Variants in NDUFS4 observed in about 807,000 individuals in gnomAD.
NDUFS4 encodes the protein NADH dehydrogenase [ubiquinone] iron-sulfur protein 4, mitochondrial.
Under a neutral mutation model 24.3 loss-of-function variants are expected in NDUFS4, and 28 were observed. The ratio of observed to expected loss-of-function variants is 1.15; its 90% CI spans 0.85 to 1.58. The LOEUF (loss-of-function observed/expected upper bound fraction) is 1.58. NDUFS4 is among the 40% of genes most tolerant of loss of function. NDUFS4 has a pLI of 0.00. For synonymous variants in NDUFS4, 93 were observed against 69.7 expected (o/e 1.34, Z -1.67); for missense variants, 223 against 207.9 (o/e 1.07, Z -0.45).
intron 2 of NDUFS4, among the ~76,000 whole-genome samples, chr5:53,645,700 T>C (rs1310076785): frequency 6.6e-6 from 1 of 152,216 alleles, no homozygotes; most frequent in African/African-American, 2.4e-5. Flanking sequence ...ATTAAAGTTG[T>C]TAAATTTACA....
chr5:53,662,217 AT>A (rs1752364328), intron 4 of NDUFS4, among the ~76,000 whole-genome samples: 1 of 152,078 alleles, frequency 6.6e-6, no homozygotes, highest in Non-Finnish European at 1.5e-5. Flanking sequence ...GTGTTGTTGA[AT>A]TTTGTCAAAG....
At chr5:53,579,497 A>C (rs1398305033) in intron 1 of NDUFS4, among the ~76,000 whole-genome samples, 1 of 152,184 alleles carries the variant, frequency 6.6e-6, no homozygotes, top group Non-Finnish European at 1.5e-5. Flanking sequence ...CTTATATGGC[A>C]AAAGGGACTT....
chr5:53,647,426 C>T lies in NDUFS4; in HGVS notation c.350+1021C>T, dbSNP rs567181481. Among the ~76,000 whole-genome samples, 4 of 152,096 alleles carry T rather than the reference C, an allele frequency of 2.6e-5. No individual in the cohort carries two copies. In the South Asian group the frequency reaches 6.2e-4, roughly 24 times the overall value. ...AGAAATGGAGTCTCGCTTTGTTGCC[C>T]GGGCTGGTCTCGAACTCCGGGCTTC... On this transcript the variant is annotated intron_variant, in intron 3 of 4. Coordinates refer to ENST00000296684, the MANE Select transcript of NDUFS4 (RefSeq NM_002495.4).
At chr5:53,599,623 T>G (rs1249270791) in intron 1 of NDUFS4, among the ~76,000 whole-genome samples, 1 of 152,154 alleles carries the variant, frequency 6.6e-6, no homozygotes, top group Non-Finnish European at 1.5e-5. Flanking sequence ...GAGTTCTTCT[T>G]TTAAAATTTA....
chr5:53,570,471 C>T (rs1296691531), intron 1 of NDUFS4, among the ~76,000 whole-genome samples: 1 of 152,036 alleles, frequency 6.6e-6, no homozygotes, highest in East Asian at 1.9e-4. Context: ...AATAGAGCTT[C>T]TGTACAGGAT....
chr5:53,658,458 T>C lies in NDUFS4; in HGVS notation c.351-93T>C, dbSNP rs570850692. 3 of 843,970 alleles carry C rather than the reference T, an allele frequency of 3.6e-6. No individual in the cohort carries two copies. The African/African-American group carries it at 5.1e-5, about 14-fold the overall frequency. The allele number at this position is 843,970 out of a possible 1,614,324, so 52.3% of individuals were successfully genotyped here. On this transcript the variant is annotated intron_variant, in intron 3 of 4. Coordinates refer to ENST00000296684, the MANE Select transcript of NDUFS4 (RefSeq NM_002495.4). Reference sequence around the variant, plus strand: ...AATATTCCATCAATAATGTACTTATTTGATTTTATAGTAGCTGTTTATTTT... The same window carrying C: ...AATATTCCATCAATAATGTACTTATCTGATTTTATAGTAGCTGTTTATTTT...
intron 1 of NDUFS4, among the ~76,000 whole-genome samples, chr5:53,603,232 C>T (rs984624486): frequency 1.3e-5 from 2 of 152,148 alleles, no homozygotes; most frequent in South Asian, 2.1e-4. Context: ...TGACGTAAAG[C>T]GCAGCCTGTT....
chr5:53,582,193 A>G (rs1349125592), intron 1 of NDUFS4, among the ~76,000 whole-genome samples: 1 of 149,604 alleles, frequency 6.7e-6, no homozygotes, highest in Non-Finnish European at 1.5e-5. Context: ...CCTGAGCAAC[A>G]GAGTGAGACT....
chr5:53,670,963 C>A (rs1740194669), intron 4 of NDUFS4, among the ~76,000 whole-genome samples: 1 of 151,224 alleles, frequency 6.6e-6, no homozygotes, highest in South Asian at 2.1e-4. Flanking sequence ...ATTATTTATA[C>A]TCTACTATCT....
At chr5:53,646,040 A>T (rs1341037616) in intron 2 of NDUFS4, among the ~76,000 whole-genome samples, 193 bp from the exon 3 acceptor site, 1 of 152,156 alleles carries the variant, frequency 6.6e-6, no homozygotes, top group Non-Finnish European at 1.5e-5. Context: ...GTCCCCCTAA[A>T]TAAACCATTT....
chr5:53,625,313 T>G (rs1751185661), intron 2 of NDUFS4, among the ~76,000 whole-genome samples: 1 of 152,212 alleles, frequency 6.6e-6, no homozygotes. Context: ...TCTTTAAACT[T>G]CAGAAATTTT....
At chr5:53,648,948 A>T (rs1751941221) in intron 3 of NDUFS4, among the ~76,000 whole-genome samples, 2 of 152,170 alleles carry the variant, frequency 1.3e-5, no homozygotes, top group Non-Finnish European at 2.9e-5. Flanking sequence ...GCCCCAGGAT[A>T]TCTGCTTCTT....
intron 1 of NDUFS4, among the ~76,000 whole-genome samples, chr5:53,565,986 A>G (rs1201373735): frequency 6.6e-6 from 1 of 151,816 alleles, no homozygotes; most frequent in African/African-American, 2.4e-5. Flanking sequence ...AGCCTGGCCA[A>G]CATGGTGAAA....
intron 3 of NDUFS4, among the ~76,000 whole-genome samples, chr5:53,646,924 C>T (rs1028273427): frequency 7.9e-5 from 12 of 151,926 alleles, no homozygotes; most frequent in Admixed American, 1.3e-4. Flanking sequence ...TGATACTATT[C>T]GTGGTTTTAA....
intron 2 of NDUFS4, among the ~76,000 whole-genome samples, chr5:53,644,599 T>C (rs1304225212): frequency 6.6e-6 from 1 of 152,084 alleles, no homozygotes; most frequent in Non-Finnish European, 1.5e-5. Flanking sequence ...AAACTTTTTT[T>C]GAAGTTGAAC....
chr5:53,580,032 A>G (rs775148710), intron 1 of NDUFS4, among the ~76,000 whole-genome samples: 3 of 152,198 alleles, frequency 2.0e-5, no homozygotes, highest in Non-Finnish European at 2.9e-5. Context: ...TTCTAGATCT[A>G]TAAGAGAATA....
intron 2 of NDUFS4, among the ~76,000 whole-genome samples, chr5:53,606,883 G>T (rs1750531352): frequency 6.6e-6 from 1 of 152,160 alleles, no homozygotes; most frequent in African/African-American, 2.4e-5. Context: ...TATAACCTAT[G>T]CATATTCTCC....
At chr5:53,682,394 A>G (rs559596024) in intron 4 of NDUFS4, among the ~76,000 whole-genome samples, 1 of 152,004 alleles carries the variant, frequency 6.6e-6, no homozygotes, top group Non-Finnish European at 1.5e-5. Context: ...ATGCATAAAA[A>G]TCTCCTGGAA....
chr5:53,589,844 C>T (rs975813105), intron 1 of NDUFS4, among the ~76,000 whole-genome samples: 5 of 152,182 alleles, frequency 3.3e-5, no homozygotes, highest in African/African-American at 7.2e-5. Context: ...ATCTTTCTCC[C>T]GTGGTGGATG....
Sources: allele counts gnomAD v4.1 joint callset (sites outside exome capture counted in the v4.1 genomes callset), GRCh38; gene constraint gnomAD v4.1.1; transcripts MANE v1.5; gene names NCBI Gene and HGNC (gene_info 2026-07-23, HGNC 2026-07-21).